Variants in ITGA11 observed in about 807,000 individuals in gnomAD.
ITGA11 encodes the protein integrin alpha-11.
A neutral mutation model predicts 141.9 loss-of-function variants in ITGA11; 97 were observed. That is an observed-to-expected ratio of 0.68 (90% CI 0.58 to 0.81). ITGA11 has a LOEUF of 0.81. ITGA11 is among the 30% of genes least tolerant of loss of function. ITGA11 has a pLI of 0.00. For synonymous variants in ITGA11, 658 were observed against 624.6 expected, an observed-to-expected ratio of 1.05 and a Z score of -0.80; for missense variants, 1,387 against 1,559.2, an observed-to-expected ratio of 0.89 and a Z score of 1.86.
chr15:68,409,688 G>A (rs1417015774), intron 1 of ITGA11, among the ~76,000 whole-genome samples: 1 of 151,970 alleles, frequency 6.6e-6, no homozygotes, highest in Non-Finnish European at 1.5e-5. Flanking sequence ...AAATAATTGT[G>A]TACATGAACA....
intron 2 of ITGA11, among the ~76,000 whole-genome samples, chr15:68,381,408 T>A (rs1895858086): frequency 6.6e-6 from 1 of 152,172 alleles, no homozygotes; most frequent in Non-Finnish European, 1.5e-5. Context: ...CATGTGTGCC[T>A]CTCCATTCAA....
chr15:68,406,375 A>G (rs1396746471), intron 1 of ITGA11, among the ~76,000 whole-genome samples: 1 of 151,824 alleles, frequency 6.6e-6, no homozygotes, highest in African/African-American at 2.4e-5. Flanking sequence ...CTCCAGCCAT[A>G]CTGACCCTCT....
chr15:68,365,229 A>T, intron 3 of ITGA11: 1 of 985,370 alleles, frequency 1.0e-6, no homozygotes, highest in Non-Finnish European at 1.2e-6. Context: ...TCCTGTGCCC[A>T]ACTCTTTCTG....
rs376004479 is a variant in ITGA11 at position 68,361,609 on chromosome 15, G to T, written c.453C>A (p.Thr151=). 32 of 1,606,774 alleles carry T rather than the reference G, an allele frequency of 2.0e-5. No individual in the cohort carries two copies. In the South Asian group the frequency reaches 3.6e-4, roughly 18 times the overall value. The change falls in exon 5 of 30, where the codon ACC becomes ACA. Residue 151 remains threonine, a synonymous_variant. Transcript: ENST00000315757. ...ACTTACTTTGGAGAGCTGGGGCCACGGTCTTGGAGAACCTGAAGTTGGAGT... is the reference window on the plus strand; with the variant it reads ...ACTTACTTTGGAGAGCTGGGGCCACTGTCTTGGAGAACCTGAAGTTGGAGT... ...RVNSNFRFSK[T]VAPALQRCQT...
chr15:68,337,427 T>A (rs1350794489), intron 11 of ITGA11, among the ~76,000 whole-genome samples: 1 of 152,120 alleles, frequency 6.6e-6, no homozygotes, highest in Non-Finnish European at 1.5e-5. Flanking sequence ...CCTGTAGGGC[T>A]CCTCTCCCTT....
intron 21 of ITGA11, among the ~76,000 whole-genome samples, chr15:68,316,157 T>C (rs1893567737): frequency 6.6e-6 from 1 of 152,208 alleles, no homozygotes; most frequent in East Asian, 1.9e-4. Context: ...AGGACTGCCT[T>C]GTCCACCTCT....
At chr15:68,389,293 G>A (rs942313240) in intron 2 of ITGA11, among the ~76,000 whole-genome samples, 3 of 152,200 alleles carry the variant, frequency 2.0e-5, no homozygotes, top group Non-Finnish European at 4.4e-5. Context: ...GTGAACATAC[G>A]CCTTCTGTTC....
intron 5 of ITGA11, among the ~76,000 whole-genome samples, chr15:68,360,562 T>C (rs1003588641): frequency 1.3e-5 from 2 of 151,990 alleles, no homozygotes; most frequent in Non-Finnish European, 1.5e-5. Context: ...GGAATCTGCA[T>C]TTGGTAAGCT....
chr15:68,368,042 C>T (rs8042999), intron 3 of ITGA11, among the ~76,000 whole-genome samples: 141,788 of 152,222 alleles, frequency 0.93, 66,375 homozygotes, highest in Middle Eastern at 0.98. Flanking sequence ...ATGTGGACAG[C>T]GGGAGCCTCC....
chr15:68,370,049 C>T (rs77539851), intron 2 of ITGA11, among the ~76,000 whole-genome samples: 3,714 of 152,142 alleles, frequency 0.024, 134 homozygotes, highest in African/African-American at 0.082. Flanking sequence ...AGCCAAGGAG[C>T]GCCCGGGACC....
intron 1 of ITGA11, among the ~76,000 whole-genome samples, chr15:68,406,813 T>C (rs758939528): frequency 6.6e-6 from 1 of 152,130 alleles, no homozygotes; most frequent in Non-Finnish European, 1.5e-5. Context: ...AGAAAGGAAA[T>C]AATGATGAGC....
Position 68,308,903 on chromosome 15 carries a change from C to T in ITGA11, c.3175-1207G>A, listed in dbSNP as rs1010364372. 6.6e-6 allele frequency among the ~76,000 whole-genome samples: 1 copy of T among 152,158 alleles called. No homozygotes were observed. ...AGAAGCCTGACAATTAACAGCAGAACCATTAGCCAACACTATAGACAGCTC... is the reference window on the plus strand; with the variant it reads ...AGAAGCCTGACAATTAACAGCAGAATCATTAGCCAACACTATAGACAGCTC... On this transcript the variant is annotated intron_variant, in intron 26 of 29. Transcript: ENST00000315757. The surrounding 1 kb of genome is among the most constrained non-coding windows in gnomAD (Gnocchi z 5.2).
chr15:68,393,388 C>A (rs1199898944), intron 2 of ITGA11, among the ~76,000 whole-genome samples: 1 of 151,774 alleles, frequency 6.6e-6, no homozygotes, highest in Non-Finnish European at 1.5e-5. Flanking sequence ...CTTTGGAAAC[C>A]CTATGCAGAA....
Position 68,364,722 on chromosome 15 carries a change from C to T in ITGA11, c.342G>A (p.Lys114=), listed in dbSNP as rs1327890669. 5.0e-6 allele frequency: 8 copies of T among 1,612,858 alleles called. No homozygotes were observed. The highest frequency in any genetic ancestry group is 3.3e-5 in the Admixed American group (2 of 59,986). The change falls in exon 4 of 30, where the codon AAG becomes AAA. Residue 114 remains lysine (K), a synonymous_variant. Coordinates refer to ENST00000315757, the MANE Select transcript of ITGA11 (RefSeq NM_001004439.2). ...RLGLSLATNP[K]DNSFLACSPL... ...TGGCTCTTACCAGGAAGCTGTTGTC[C>T]TTGGGGTTGGTGGCGAGACTAAGGC...
At position 68,326,526 on chromosome 15, in the gene ITGA11, C is replaced by A; in HGVS notation, c.2211+128G>T. On this transcript the variant is annotated intron_variant, in intron 17 of 29. Coordinates refer to ENST00000315757, the MANE Select transcript of ITGA11 (RefSeq NM_001004439.2). The surrounding 1 kb of genome is among the most constrained non-coding windows in gnomAD (Gnocchi z 6.8). ...GTGGAGTGGCCAAGGTCAGGGTACA[C>A]TGTCCCTGGCTGGCTTCCTGAGGTC... The A allele has an allele frequency of 9.8e-7, 1 of 1,017,244 alleles. No homozygotes were observed. The highest frequency in any genetic ancestry group is 1.4e-6 in the Non-Finnish European group (1 of 712,946). 63.0% of individuals were successfully genotyped at this position (1,017,244 alleles called of 1,614,324 possible).
chr15:68,312,753 C>A lies in ITGA11; in HGVS notation c.2973+20G>T. On this transcript the variant is annotated intron_variant, in intron 24 of 29. Transcript: ENST00000315757. Reference sequence around the variant, plus strand: ...CAGATCCCGTCCTTCCCCCTCTACCCGGCTCCCCTCCAGCCTCACCCTGAA... The same window carrying A: ...CAGATCCCGTCCTTCCCCCTCTACCAGGCTCCCCTCCAGCCTCACCCTGAA... 1 of 1,581,252 alleles carries A rather than the reference C, an allele frequency of 6.3e-7. No individual in the cohort carries two copies. The highest frequency in any genetic ancestry group is 8.7e-7 in the Non-Finnish European group (1 of 1,152,076).
rs1444906168 is a variant in ITGA11 at position 68,313,858 on chromosome 15, C to T, written c.2803G>A (p.Glu935Lys). The change falls in exon 23 of 30, where the codon GAG becomes AAG. Residue 935 changes from glutamate (E) to lysine (K), a missense_variant. By Grantham distance (56) the Glu-to-Lys change is moderately conservative (BLOSUM62 1). Transcript: ENST00000315757. ...TTGTCTTCCTTGGTGCTGTCCCGCT[C>T]ATTACTGTCACTGCAAGGAGAGCCA... ...IELAAGSDSN[E>K]RDSTKEDNVA... The T allele has an allele frequency of 2.5e-6, 4 of 1,613,846 alleles. No individual in the cohort carries two copies. Among genetic ancestry groups the T allele is most frequent in the East Asian group, 2.2e-5 (1 of 44,882 alleles).
rs1893014105 is a variant in ITGA11, at chr15:68,301,108, C to T, written c.*1951G>A. 1 of 152,216 alleles carries T rather than the reference C, an allele frequency of 6.6e-6. No individual in the cohort carries two copies. Among genetic ancestry groups the T allele is most frequent in the African/African-American group, 2.4e-5 (1 of 41,450 alleles). The allele number at this position is 152,216 out of a possible 1,614,324, so 9.4% of individuals were successfully genotyped here. A position where few individuals can be genotyped will look rare whatever the true frequency, so the allele number is the denominator to read the frequency against. On this transcript the variant is annotated 3_prime_UTR_variant, in exon 30 of 30. Transcript: ENST00000315757. This position sits in a 1 kb window ranked among gnomAD's most constrained non-coding sequence, Gnocchi z 4.4. ...ACTCAAATTTTAGTTTCACCATTTTCACCTTTTGCTCCACATCAAGCCCTT... is the reference window on the plus strand; with the variant it reads ...ACTCAAATTTTAGTTTCACCATTTTTACCTTTTGCTCCACATCAAGCCCTT...
chr15:68,423,514 C>A (rs976029998), intron 1 of ITGA11, among the ~76,000 whole-genome samples: 1 of 152,146 alleles, frequency 6.6e-6, no homozygotes, highest in Non-Finnish European at 1.5e-5. Context: ...GGTGCCCAAA[C>A]GTATGGCTCT....
Sources: allele counts gnomAD v4.1 joint callset (sites outside exome capture counted in the v4.1 genomes callset), GRCh38; gene constraint gnomAD v4.1.1; non-coding constraint Gnocchi (gnomAD v3.1); transcripts MANE v1.5; gene names NCBI Gene and HGNC (gene_info 2026-07-23, HGNC 2026-07-21).